SPATS2L: variants seen among roughly 807,000 people sequenced by gnomAD.
The protein encoded by SPATS2L is SPATS2-like protein.
SPATS2L carries 30 observed loss-of-function variants against 59.6 expected under a neutral mutation model. That is an observed-to-expected ratio of 0.50 (90% CI 0.38 to 0.68). The LOEUF (loss-of-function observed/expected upper bound fraction) is 0.68, where lower values mean the gene tolerates loss of function less well. SPATS2L is among the 30% of genes least tolerant of loss of function. The pLI is 0.00. For synonymous variants in SPATS2L, 252 were observed against 263.5 expected (o/e 0.96, Z 0.42); for missense variants, 615 against 700.0 (o/e 0.88, Z 1.37).
At chr2:200,471,547 G>C (rs151312343) in intron 11 of SPATS2L, among the ~76,000 whole-genome samples, 1 of 152,130 alleles carries the variant, frequency 6.6e-6, no homozygotes, top group Non-Finnish European at 1.5e-5. Flanking sequence ...GACAGACACC[G>C]TAATCATCCA....
In SPATS2L at chr2:200,332,747, G is replaced by GAA. The variant is rs35758472; in HGVS notation, c.-23+3277_-23+3278dup. Among the ~76,000 whole-genome samples the GAA allele has an allele frequency of 2.7e-3, 370 of 139,552 alleles. 2 individuals are homozygous for GAA. Among genetic ancestry groups the GAA allele is most frequent in the Middle Eastern group, 0.011 (3 of 274 alleles). 91.6% of individuals were successfully genotyped at this position (139,552 alleles called of 152,430 possible). On this transcript the variant is annotated intron_variant, in intron 2 of 12. Coordinates refer to ENST00000409140, the MANE Select transcript of SPATS2L (RefSeq NM_001100423.2). ...CTGGAATTCATTATATTTTTTTTTT[G>GAA]AAAAAAAAAAACTAAGTTAGCTGCC...
intron 1 of SPATS2L, among the ~76,000 whole-genome samples, chr2:200,317,121 A>T (rs1017398500): frequency 6.6e-5 from 10 of 152,204 alleles, no homozygotes; most frequent in Admixed American, 5.2e-4. Context: ...GGCACTTCAA[A>T]TATCAAGTTT....
rs565344084 is a variant in SPATS2L at position 200,314,822 on chromosome 2, T to C, written c.-73+7900T>C. Among the ~76,000 whole-genome samples, 14 of 152,294 alleles carry C rather than the reference T, an allele frequency of 9.2e-5. No homozygotes were observed. The South Asian group carries it at 2.9e-3, about 32-fold the overall frequency. On this transcript the variant is annotated intron_variant, in intron 1 of 12. Coordinates refer to ENST00000409140, the MANE Select transcript of SPATS2L (RefSeq NM_001100423.2). ...ATGTGCGTAAGTGTAAAATACACCA[T>C]GCTTTGAGACTATATAAAAAAATGT...
At chr2:200,455,113 T>C (rs1012069290) in intron 8 of SPATS2L, among the ~76,000 whole-genome samples, 1 of 152,234 alleles carries the variant, frequency 6.6e-6, no homozygotes, top group Non-Finnish European at 1.5e-5. Flanking sequence ...TGCATAAATG[T>C]GATGTATATG....
chr2:200,415,329 A>G (rs1459987967), intron 4 of SPATS2L, among the ~76,000 whole-genome samples: 1 of 152,212 alleles, frequency 6.6e-6, no homozygotes, highest in African/African-American at 2.4e-5. Context: ...CAGTAGACTC[A>G]ATAATTAGGA....
At chr2:200,325,632 GCCTC>G (rs1489874439) in intron 1 of SPATS2L, among the ~76,000 whole-genome samples, 1 of 152,140 alleles carries the variant, frequency 6.6e-6, no homozygotes, top group Admixed American at 6.5e-5. Context: ...GCCTGCCTTA[GCCTC>G]CCAAAGTGCT....
intron 10 of SPATS2L, chr2:200,469,646 TTAAA>T (rs1300723658): frequency 8.2e-6 from 3 of 365,122 alleles, no homozygotes; most frequent in Non-Finnish European, 9.9e-6. Context: ...TGCTAAAAGG[TTAAA>T]TAGATGAGTC....
chr2:200,305,995 C>T, upstream of SPATS2L: 1 of 981,118 alleles, frequency 1.0e-6, no homozygotes, highest in Non-Finnish European at 1.2e-6. Context: ...GGCAGAAACC[C>T]ACGGCTGAAG....
intron 2 of SPATS2L, among the ~76,000 whole-genome samples, chr2:200,356,288 A>G (rs1386944026): frequency 6.6e-6 from 1 of 152,232 alleles, no homozygotes; most frequent in Non-Finnish European, 1.5e-5. Context: ...CACATTATAC[A>G]GGTCTGTTTA....
At chr2:200,350,079 T>A (rs2080667093) in intron 2 of SPATS2L, among the ~76,000 whole-genome samples, 1 of 152,158 alleles carries the variant, frequency 6.6e-6, no homozygotes, top group Non-Finnish European at 1.5e-5. Context: ...CTCAGCCTCT[T>A]GGGTTCAGTT....
intron 2 of SPATS2L, among the ~76,000 whole-genome samples, chr2:200,343,808 A>T (rs2080414053): frequency 6.6e-6 from 1 of 152,164 alleles, no homozygotes; most frequent in Non-Finnish European, 1.5e-5. Flanking sequence ...TTTATGATAC[A>T]TTGTTAGGTA....
intron 2 of SPATS2L, among the ~76,000 whole-genome samples, chr2:200,380,318 G>T (rs2081761271): frequency 6.6e-6 from 1 of 152,128 alleles, no homozygotes; most frequent in African/African-American, 2.4e-5. Flanking sequence ...TTCAAAGCTG[G>T]GACTGCCATA....
At chr2:200,465,839 T>C (rs896236733) in intron 9 of SPATS2L, among the ~76,000 whole-genome samples, 2 of 152,162 alleles carry the variant, frequency 1.3e-5, no homozygotes, top group Non-Finnish European at 2.9e-5. Context: ...AAGACCACCA[T>C]GGCTAACATG....
intron 1 of SPATS2L, among the ~76,000 whole-genome samples, chr2:200,312,344 C>T (rs1468591337): frequency 6.6e-6 from 1 of 152,132 alleles, no homozygotes; most frequent in Non-Finnish European, 1.5e-5. Flanking sequence ...TGCACCTAGC[C>T]GAGTTGAGTA....
In SPATS2L at chr2:200,476,797, CT is replaced by C. The variant is rs1475800316; in HGVS notation, c.1282-835del. ...ATGAAGGCAGAGGGTCAATGTGACACTTTTCTGTATCCTGAGCTCTTGTCCA... is the reference window on the plus strand; with the variant it reads ...ATGAAGGCAGAGGGTCAATGTGACACTTTCTGTATCCTGAGCTCTTGTCCA... On this transcript the variant is annotated intron_variant, in intron 12 of 12. Transcript: ENST00000409140. 2.0e-5 allele frequency among the ~76,000 whole-genome samples: 3 copies of C among 152,232 alleles called. No homozygotes were observed. In the South Asian group the frequency reaches 6.2e-4, roughly 32 times the overall value.
chr2:200,434,812 CTCA>C (rs2084172142), intron 6 of SPATS2L, among the ~76,000 whole-genome samples: 2 of 152,036 alleles, frequency 1.3e-5, no homozygotes, highest in Non-Finnish European at 2.9e-5. Context: ...CAATGAAAAT[CTCA>C]TCATATTTTT....
intron 1 of SPATS2L, among the ~76,000 whole-genome samples, chr2:200,326,988 C>A (rs931099267): frequency 6.7e-6 from 1 of 148,888 alleles, no homozygotes; most frequent in African/African-American, 2.5e-5. Context: ...CTCAGGTGAT[C>A]CACCTGCCTC....
intron 8 of SPATS2L, among the ~76,000 whole-genome samples, chr2:200,458,197 A>G (rs1249032030): frequency 6.6e-6 from 1 of 152,232 alleles, no homozygotes; most frequent in Non-Finnish European, 1.5e-5. Flanking sequence ...TTATGGAAGA[A>G]TTCCAGGAAA....
intron 1 of SPATS2L, among the ~76,000 whole-genome samples, chr2:200,322,239 A>T (rs1574390735): frequency 6.6e-6 from 1 of 152,238 alleles, no homozygotes; most frequent in East Asian, 1.9e-4. Flanking sequence ...GAAAATATTC[A>T]TTGAGTTGAT....
Sources: gnomAD v4.1 joint callset for allele counts (sites outside exome capture counted in the v4.1 genomes callset) on GRCh38, gnomAD v4.1.1 for gene constraint, MANE v1.5 for transcripts, NCBI Gene and HGNC (gene_info 2026-07-23, HGNC 2026-07-21) for gene names.